The following GPM6A variants were observed in gnomAD, a reference collection of about 807,000 sequenced individuals.
GPM6A encodes glycoprotein M6A, also known as neuronal membrane glycoprotein M6-a.
Under a neutral mutation model 32.1 loss-of-function variants are expected in GPM6A, and 7 were observed. That is an observed-to-expected ratio of 0.22 (90% CI 0.12 to 0.41). GPM6A has a LOEUF of 0.41. Ranked by LOEUF, GPM6A falls within the 10% of genes least tolerant of loss-of-function variation. The pLI, the probability that GPM6A is intolerant of heterozygous loss-of-function variation, is 1.00. For synonymous variants in GPM6A, 130 were observed against 123.4 expected (o/e 1.05, Z -0.35); for missense variants, 235 against 347.2 (o/e 0.68, Z 2.57).
In GPM6A at chr4:175,870,573, A is replaced by G. The variant is rs138716666; in HGVS notation, c.-22-58324T>C. Among the ~76,000 whole-genome samples, 1,052 of 152,278 alleles carry G rather than the reference A, an allele frequency of 6.9e-3. 12 individuals are homozygous for G. The highest frequency in any genetic ancestry group is 9.1e-3 in the Non-Finnish European group (617 of 68,022). On this transcript the variant is annotated intron_variant, in intron 1 of 7. Coordinates refer to the GPM6A transcript ENST00000280187. ...CATTCTAAATCTCATGGCTCTCCTT[A>G]TGGACTGCTATCTAGAACCCTGAGA...
intron 1 of GPM6A, among the ~76,000 whole-genome samples, chr4:175,730,599 T>C (rs1401203760): frequency 1.3e-5 from 2 of 151,854 alleles, no homozygotes; most frequent in African/African-American, 4.8e-5. Flanking sequence ...GCCTCCTGAG[T>C]AGGTGGGACT....
chr4:175,775,176 G>T (rs567019855), intron 1 of GPM6A, among the ~76,000 whole-genome samples: 14 of 152,018 alleles, frequency 9.2e-5, no homozygotes, highest in Non-Finnish European at 1.8e-4. Context: ...TATAGAAGAA[G>T]CATCTCCAAA....
chr4:175,693,262 A>G (rs1744394654), intron 2 of GPM6A, among the ~76,000 whole-genome samples: 1 of 149,440 alleles, frequency 6.7e-6, no homozygotes, highest in African/African-American at 2.4e-5. Flanking sequence ...CTAAATATAT[A>G]TATATACACA....
chr4:176,001,168 A>G (rs1741464990), intron 1 of GPM6A, among the ~76,000 whole-genome samples: 1 of 152,180 alleles, frequency 6.6e-6, no homozygotes, highest in South Asian at 2.1e-4. Flanking sequence ...AGCCTGTGGG[A>G]ATACAGGAAT....
chr4:175,675,171 G>A (rs1347418824), intron 2 of GPM6A, among the ~76,000 whole-genome samples: 2 of 151,488 alleles, frequency 1.3e-5, no homozygotes, highest in Admixed American at 6.6e-5. Flanking sequence ...TTTTAAATCT[G>A]TAGGAATATT....
intron 3 of GPM6A, among the ~76,000 whole-genome samples, chr4:175,666,084 AATTTTCGT>A (rs1218780943): frequency 6.6e-6 from 1 of 151,394 alleles, no homozygotes; most frequent in African/African-American, 2.4e-5. Flanking sequence ...ACGCCTGGCT[AATTTTCGT>A]ATTTTTTAGT....
At chr4:175,717,631 T>C (rs867202791) in intron 1 of GPM6A, among the ~76,000 whole-genome samples, 23 of 152,192 alleles carry the variant, frequency 1.5e-4, no homozygotes, top group African/African-American at 5.3e-4. Context: ...TCTTCTTAGA[T>C]AGACAACTTT....
At chr4:175,911,166 T>C (rs995855378) in intron 1 of GPM6A, among the ~76,000 whole-genome samples, 5 of 152,136 alleles carry the variant, frequency 3.3e-5, no homozygotes, top group Non-Finnish European at 7.3e-5. Context: ...CTCCAAATGA[T>C]AGGGACATAT....
At chr4:175,759,096 T>C (rs577850887) in intron 1 of GPM6A, among the ~76,000 whole-genome samples, 9 of 152,308 alleles carry the variant, frequency 5.9e-5, no homozygotes, top group South Asian at 4.1e-4. Flanking sequence ...TAAGTGTCCA[T>C]TGAGTGCCAG....
At chr4:175,961,501 A>C (rs1196888880) in intron 1 of GPM6A, among the ~76,000 whole-genome samples, 1 of 152,168 alleles carries the variant, frequency 6.6e-6, no homozygotes, top group African/African-American at 2.4e-5. Flanking sequence ...TCTCTGCTGG[A>C]ACTAGTACTG....
At chr4:175,986,954 T>C (rs1295157110) in intron 1 of GPM6A, among the ~76,000 whole-genome samples, 1 of 152,222 alleles carries the variant, frequency 6.6e-6, no homozygotes, top group Non-Finnish European at 1.5e-5. Context: ...GAAGGCCTTT[T>C]CCTTGATTCA....
intron 1 of GPM6A, chr4:175,787,798 A>C: frequency 5.4e-6 from 1 of 183,952 alleles, no homozygotes; most frequent in Non-Finnish European, 1.0e-5. Context: ...TATAGGCTCC[A>C]TGAAGGCTGG....
chr4:175,904,956 G>A lies in GPM6A; in HGVS notation c.-22-92707C>T, dbSNP rs142335549. 4.3e-3 allele frequency among the ~76,000 whole-genome samples: 650 copies of A among 152,220 alleles called. 5 individuals carry two copies. The highest frequency in any genetic ancestry group is 0.013 in the African/African-American group (555 of 41,550). ...TTTCCTCTACCCTCGTAAGTTCAGT[G>A]GCTGGTGCCCTGCAAGTTAAACCTA... On this transcript the variant is annotated intron_variant, in intron 1 of 7. Coordinates refer to the GPM6A transcript ENST00000280187.
intron 1 of GPM6A, among the ~76,000 whole-genome samples, chr4:175,891,110 A>G (rs1737634890): frequency 1.3e-5 from 2 of 152,172 alleles, no homozygotes; most frequent in African/African-American, 2.4e-5. Context: ...TCTACTTAAC[A>G]TAAGTAATTT....
At chr4:175,636,295 T>TAC (rs1553967493) in intron 6 of GPM6A, among the ~76,000 whole-genome samples, 53 of 133,410 alleles carry the variant, frequency 4.0e-4, no homozygotes, top group Non-Finnish European at 6.8e-4. Context: ...TATATATATA[T>TAC]ATACATATAT....
upstream of GPM6A, chr4:175,813,170 A>G: frequency 3.0e-6 from 2 of 665,434 alleles, no homozygotes; most frequent in Non-Finnish European, 3.7e-6. Flanking sequence ...CTGGTTTCCA[A>G]TGAGAATCTC....
At chr4:175,718,215 A>G (rs1745938365) in intron 1 of GPM6A, among the ~76,000 whole-genome samples, 1 of 152,196 alleles carries the variant, frequency 6.6e-6, no homozygotes, top group African/African-American at 2.4e-5. Context: ...AATCCCCTAC[A>G]CAAGAATTAA....
chr4:175,965,178 T>C (rs1312569516), intron 1 of GPM6A, among the ~76,000 whole-genome samples: 1 of 152,118 alleles, frequency 6.6e-6, no homozygotes, highest in Non-Finnish European at 1.5e-5. Context: ...CTAAAACACA[T>C]CTTAATAAAT....
intron 1 of GPM6A, among the ~76,000 whole-genome samples, chr4:175,824,714 T>C (rs1182190796): frequency 1.3e-5 from 2 of 152,180 alleles, no homozygotes; most frequent in East Asian, 3.9e-4. Flanking sequence ...TTCAGTAATA[T>C]TTAACAAATA....
Sources: gnomAD v4.1 joint callset for allele counts (sites outside exome capture counted in the v4.1 genomes callset) on GRCh38, gnomAD v4.1.1 for gene constraint, MANE v1.5 for transcripts, NCBI Gene and HGNC (gene_info 2026-07-23, HGNC 2026-07-21) for gene names.